The following PLCH1 variants were observed in gnomAD, a reference collection of about 807,000 sequenced individuals.
The protein encoded by PLCH1 is 1-phosphatidylinositol 4,5-bisphosphate phosphodiesterase eta-1.
Under a neutral mutation model 126.7 loss-of-function variants are expected in PLCH1, and 60 were observed. That is an observed-to-expected ratio of 0.47 (90% confidence interval 0.38 to 0.59). PLCH1 has a LOEUF of 0.59. Among genes scored for constraint, PLCH1 ranks in the 20% least tolerant of loss-of-function variants. PLCH1 has a pLI of 0.00. For synonymous variants in PLCH1, 719 were observed against 734.9 expected (o/e 0.98, Z 0.35); for missense variants, 1,723 against 2,040.0 (o/e 0.84, Z 2.99).
chr3:155,605,781 T>C (rs1441045948), intron 2 of PLCH1, among the ~76,000 whole-genome samples: 2 of 152,232 alleles, frequency 1.3e-5, no homozygotes, highest in East Asian at 3.8e-4. Flanking sequence ...ATTGATTTTT[T>C]TTCTCTCCAT....
chr3:155,681,754 A>G (rs1378130494), intron 2 of PLCH1, among the ~76,000 whole-genome samples: 2 of 152,230 alleles, frequency 1.3e-5, no homozygotes, highest in African/African-American at 4.8e-5. Context: ...GAATTTTCCA[A>G]TCTACATGCA....
intron 8 of PLCH1, among the ~76,000 whole-genome samples, chr3:155,557,712 C>G (rs532081821): frequency 2.0e-4 from 31 of 152,232 alleles, no homozygotes; most frequent in Non-Finnish European, 8.8e-5. Flanking sequence ...CATAAAAGAG[C>G]CGGGGCCCAT....
At chr3:155,635,151 A>T (rs1738568958) in intron 2 of PLCH1, among the ~76,000 whole-genome samples, 1 of 152,114 alleles carries the variant, frequency 6.6e-6, no homozygotes, top group Non-Finnish European at 1.5e-5. Context: ...AAAAAAAAAA[A>T]AACTAAAATC....
intron 11 of PLCH1, among the ~76,000 whole-genome samples, chr3:155,523,106 C>A (rs943321333): frequency 6.6e-6 from 1 of 151,934 alleles, no homozygotes; most frequent in Admixed American, 6.6e-5. Flanking sequence ...TCCGGAGTAG[C>A]TAGGACTACA....
intron 8 of PLCH1, among the ~76,000 whole-genome samples, chr3:155,559,068 A>C (rs578492): frequency 0.52 from 79,155 of 152,022 alleles, 22,911 homozygotes; most frequent in Non-Finnish European, 0.66. Flanking sequence ...CTTATATGAC[A>C]TGACAGCCTC....
At chr3:155,718,729 G>A (rs1430459030) in intron 1 of PLCH1, among the ~76,000 whole-genome samples, 1 of 152,136 alleles carries the variant, frequency 6.6e-6, no homozygotes, top group African/African-American at 2.4e-5. Context: ...ACCAAGCCAT[G>A]AGGGATGACC....
chr3:155,628,239 T>C (rs1037882974), intron 2 of PLCH1, among the ~76,000 whole-genome samples: 5 of 151,134 alleles, frequency 3.3e-5, no homozygotes, highest in African/African-American at 9.7e-5. Flanking sequence ...GAAGCAGGAA[T>C]GACTCTCTGA....
intron 1 of PLCH1, among the ~76,000 whole-genome samples, chr3:155,723,793 A>T (rs981480460): frequency 6.6e-6 from 1 of 151,906 alleles, no homozygotes; most frequent in African/African-American, 2.4e-5. Context: ...GGCTCTACTA[A>T]AAACACAAAA....
At chr3:155,735,704 A>C in intron 1 of PLCH1, among the ~76,000 whole-genome samples, 1 of 152,144 alleles carries the variant, frequency 6.6e-6, no homozygotes, top group East Asian at 1.9e-4. Flanking sequence ...AGATAAAAAA[A>C]GTATGTGAGG....
At chr3:155,479,357 A>T (rs1429349218), downstream of PLCH1, among the ~76,000 whole-genome samples, 1 of 152,154 alleles carries the variant, frequency 6.6e-6, no homozygotes, top group Non-Finnish European at 1.5e-5. Flanking sequence ...ATCATTACAC[A>T]TCAGCCCCCA....
chr3:155,479,588 G>A (rs778320603), downstream of PLCH1, among the ~76,000 whole-genome samples: 16 of 146,728 alleles, frequency 1.1e-4, no homozygotes, highest in African/African-American at 2.8e-4. Context: ...CACTACCACC[G>A]CTTCCCTCCC....
At chr3:155,538,136 C>G (rs899486793) in intron 10 of PLCH1, among the ~76,000 whole-genome samples, 1 of 152,068 alleles carries the variant, frequency 6.6e-6, no homozygotes, top group African/African-American at 2.4e-5. Flanking sequence ...AAATAATCTG[C>G]TCCTGAATAA....
intron 21 of PLCH1, among the ~76,000 whole-genome samples, chr3:155,463,651 A>T (rs1470013844): frequency 6.6e-6 from 1 of 152,198 alleles, no homozygotes; most frequent in African/African-American, 2.4e-5. Context: ...GAGATGCACT[A>T]TGTACAAAAG....
intron 21 of PLCH1, among the ~76,000 whole-genome samples, chr3:155,460,798 ATAGAT>A: frequency 7.9e-6 from 1 of 125,960 alleles, no homozygotes; most frequent in Non-Finnish European, 1.7e-5. Flanking sequence ...AGATAGATAG[ATAGAT>A]AGATAGATAG....
At chr3:155,724,497 C>T (rs1267281147) in intron 1 of PLCH1, among the ~76,000 whole-genome samples, 1 of 151,872 alleles carries the variant, frequency 6.6e-6, no homozygotes, top group Non-Finnish European at 1.5e-5. Context: ...GTATAATGTC[C>T]CTCTTTGTCT....
At chr3:155,635,577 G>A (rs1024937825) in intron 2 of PLCH1, among the ~76,000 whole-genome samples, 2 of 152,224 alleles carry the variant, frequency 1.3e-5, no homozygotes, top group African/African-American at 4.8e-5. Flanking sequence ...TACAGCTGCA[G>A]TACACCTTAT....
At chr3:155,701,444 A>G (rs1169615602) in intron 2 of PLCH1, among the ~76,000 whole-genome samples, 2 of 152,210 alleles carry the variant, frequency 1.3e-5, no homozygotes, top group African/African-American at 4.8e-5. Flanking sequence ...GTCTGTAGAA[A>G]GAGACCCTGG....
intron 7 of PLCH1, among the ~76,000 whole-genome samples, chr3:155,566,192 TACAC>T (rs1410638115): frequency 2.7e-5 from 2 of 74,298 alleles, no homozygotes; most frequent in East Asian, 2.5e-4. Context: ...CACATATATA[TACAC>T]ATACATATAT....
chr3:155,472,070 C>A (rs564297787), intron 21 of PLCH1, among the ~76,000 whole-genome samples: 6 of 152,242 alleles, frequency 3.9e-5, no homozygotes, highest in African/African-American at 1.4e-4. Flanking sequence ...CAAGAAATAA[C>A]TGAAATCAGA....
Sources: gnomAD v4.1 joint callset for allele counts (sites outside exome capture counted in the v4.1 genomes callset) on GRCh38, gnomAD v4.1.1 for gene constraint, MANE v1.5 for transcripts, NCBI Gene and HGNC (gene_info 2026-07-23, HGNC 2026-07-21) for gene names.